ARL1: variants seen among roughly 807,000 people sequenced by gnomAD.
The protein encoded by ARL1 is ARF like GTPase 1.
ARL1 carries 17 observed loss-of-function variants against 30.1 expected under a neutral mutation model. The observed-to-expected ratio is 0.56, with a 90% CI of 0.39 to 0.85. The LOEUF (loss-of-function observed/expected upper bound fraction) is 0.85. Ranked by LOEUF, ARL1 falls within the 40% of genes least tolerant of loss-of-function variation. ARL1 has a pLI of 0.00. For synonymous variants in ARL1, 58 were observed against 71.7 expected, an observed-to-expected ratio of 0.81 and a Z score of 0.97; for missense variants, 102 against 212.6, an observed-to-expected ratio of 0.48 and a Z score of 3.24.
chr12:101,405,768 AAAAG>A (rs1318126691), intron 2 of ARL1, 72 bp downstream of exon 2: 17 of 1,441,072 alleles, frequency 1.2e-5, no homozygotes, highest in Admixed American at 2.8e-5. Context: ...AAACAAACAA[AAAAG>A]AAAGAAAGAA....
intron 3 of ARL1, 72 bp downstream of exon 3, chr12:101,402,793 T>C: frequency 9.6e-7 from 1 of 1,038,668 alleles, no homozygotes; most frequent in Non-Finnish European, 1.4e-6. Flanking sequence ...ATATTCGGGT[T>C]TACTGATTTT....
chr12:101,402,522 TG>T (rs1871333650), intron 3 of ARL1, among the ~76,000 whole-genome samples: 1 of 152,174 alleles, frequency 6.6e-6, no homozygotes, highest in Non-Finnish European at 1.5e-5. Context: ...CTAAATGGTA[TG>T]CCTGCAAGGT....
rs1871069031 is a variant in ARL1 at position 101,393,603 on chromosome 12, T to C, written c.*2037A>G. 6.6e-6 allele frequency: 1 copy of C among 152,230 alleles called. No individual in the cohort carries two copies. The highest frequency in any genetic ancestry group is 1.9e-4 in the East Asian group (1 of 5,202). 9.4% of individuals were successfully genotyped at this position (152,230 alleles called of 1,614,324 possible). On this transcript the variant is annotated 3_prime_UTR_variant, in exon 6 of 6. Coordinates refer to ENST00000261636, the MANE Select transcript of ARL1 (RefSeq NM_001177.6). ...CAAGGACCATATAATTTATAGCTTA[T>C]TTAAGTGTCCACTTTCTTTATCCCA...
intron 4 of ARL1, among the ~76,000 whole-genome samples, chr12:101,397,665 A>G (rs1040756520): frequency 2.0e-5 from 3 of 151,972 alleles, no homozygotes; most frequent in Non-Finnish European, 4.4e-5. Flanking sequence ...ACGCCCAGCT[A>G]ATTTTTGTAT....
chr12:101,395,549 TTTAACATCTA>T lies in ARL1; in HGVS notation c.*81_*90del. 9.5e-7 allele frequency: 1 copy of T among 1,052,080 alleles called. No individual in the cohort carries two copies. The highest frequency in any genetic ancestry group is 1.4e-6 in the Non-Finnish European group (1 of 705,704). The allele number at this position is 1,052,080 out of a possible 1,614,324, so 65.2% of individuals were successfully genotyped here. ...CAGTATATGCCAATAATCATATAGT[TTTAACATCTA>T]GTAGTGTGAAGTACACTTGACTGTT... On this transcript the variant is annotated 3_prime_UTR_variant, in exon 6 of 6. Transcript: ENST00000261636.
Position 101,395,529 on chromosome 12 carries a change from T to C in ARL1, c.*111A>G, listed in dbSNP as rs374031068. ...CTACAAATATTGCAGTCAGTCAGTA[T>C]ATGCCAATAATCATATAGTTTTAAC... is the stretch of plus-strand genomic sequence containing the variant. On this transcript the variant is annotated 3_prime_UTR_variant, in exon 6 of 6. Coordinates refer to ENST00000261636, the MANE Select transcript of ARL1 (RefSeq NM_001177.6). 6 of 856,496 alleles carry C rather than the reference T, an allele frequency of 7.0e-6. No individual in the cohort carries two copies. The highest frequency in any genetic ancestry group is 1.7e-5 in the African/African-American group (1 of 58,676). 53.1% of individuals were successfully genotyped at this position (856,496 alleles called of 1,614,324 possible).
At chr12:101,398,708 GATTAC>G (rs1403377785) in intron 4 of ARL1, among the ~76,000 whole-genome samples, 2 of 152,116 alleles carry the variant, frequency 1.3e-5, no homozygotes, top group African/African-American at 4.8e-5. Flanking sequence ...AAAGTGCTGG[GATTAC>G]AGGCGTGAGC....
chr12:101,396,465 T>G lies in ARL1; in HGVS notation c.449A>C (p.Asp150Ala). The G allele has an allele frequency of 6.2e-7, 1 of 1,614,010 alleles. No homozygotes were observed. ...CGTTTTGAATATCTGCCATTTTCGGTCCTTCAAGGCAGGTAACCCAAGTGA... is the reference window on the plus strand; with the variant it reads ...CGTTTTGAATATCTGCCATTTTCGGGCCTTCAAGGCAGGTAACCCAAGTGA... ...ANSLGLPALK[D>A]RKWQIFKTSA... Residue 150 changes from aspartate (D) to alanine (A), a missense_variant, in exon 5 of 6, where the codon GAC becomes GCC. Transcript: ENST00000261636.
intron 2 of ARL1, 152 bp from the exon 3 acceptor site, chr12:101,403,098 G>C (rs547042013): frequency 2.1e-6 from 1 of 481,814 alleles, no homozygotes; most frequent in Non-Finnish European, 3.7e-6. Flanking sequence ...GAGTTAAAAA[G>C]AAATGGTAAT....
chr12:101,399,932 ATTTTTAT>A (rs945317762), intron 4 of ARL1, among the ~76,000 whole-genome samples: 5 of 151,722 alleles, frequency 3.3e-5, no homozygotes, highest in Non-Finnish European at 5.9e-5. Context: ...TTTTTTTTTA[ATTTTTAT>A]TTTTTGAGAC....
chr12:101,405,002 G>T (rs1871400809), intron 2 of ARL1, among the ~76,000 whole-genome samples: 1 of 152,112 alleles, frequency 6.6e-6, no homozygotes, highest in South Asian at 2.1e-4. Flanking sequence ...CTTCCGAGTA[G>T]TTGGGATTAC....
chr12:101,393,422 A>C lies in ARL1; in HGVS notation c.*2218T>G, dbSNP rs1209623529. 1 of 152,178 alleles carries C rather than the reference A, an allele frequency of 6.6e-6. No homozygotes were observed. Among genetic ancestry groups the C allele is most frequent in the Non-Finnish European group, 1.5e-5 (1 of 68,036 alleles). 9.4% of individuals were successfully genotyped at this position (152,178 alleles called of 1,614,324 possible). ...TCGTCCAGATCCCATTTTACAGAAA[A>C]GAAACTACAGGAGTGGCCATTTGCA... On this transcript the variant is annotated 3_prime_UTR_variant, in exon 6 of 6. Transcript: ENST00000261636.
intron 4 of ARL1, among the ~76,000 whole-genome samples, chr12:101,397,699 C>T (rs1050111496): frequency 3.9e-5 from 6 of 152,000 alleles, no homozygotes; most frequent in Non-Finnish European, 7.4e-5. Flanking sequence ...GAGGTTTCAC[C>T]ATGTTGGTCA....
rs1002565472 is a variant in ARL1 at position 101,396,117 on chromosome 12, C to G, written c.515+282G>C. The G allele has an allele frequency of 3.1e-4, 185 of 597,266 alleles. No individual in the cohort carries two copies. The South Asian group carries it at 3.6e-3, about 12-fold the overall frequency. 37.0% of individuals were successfully genotyped at this position (597,266 alleles called of 1,614,324 possible). A position where few individuals can be genotyped will look rare whatever the true frequency, so the allele number is the denominator to read the frequency against. On this transcript the variant is annotated intron_variant, in intron 5 of 5. Transcript: ENST00000261636. The stretch of plus-strand genomic sequence containing the variant: ...AAGCTCTTCAGAAGAGAGTCTTAAG[C>G]TAATTCCTGAAGGATAAGGAATTGG...
Position 101,393,231 on chromosome 12 carries a change from C to T in ARL1, c.*2409G>A, listed in dbSNP as rs904687220. On this transcript the variant is annotated 3_prime_UTR_variant, in exon 6 of 6. Coordinates refer to ENST00000261636, the MANE Select transcript of ARL1 (RefSeq NM_001177.6). ...ATACTAACAGTAAATAAGATACGGT[C>T]CCTGCCCTCAGAGCTTACATTTCAA... The T allele has an allele frequency of 6.6e-6, 1 of 151,958 alleles. No homozygotes were observed. The highest frequency in any genetic ancestry group is 1.9e-4 in the East Asian group (1 of 5,184). The allele number at this position is 151,958 out of a possible 1,614,324, so 9.4% of individuals were successfully genotyped here. A position where few individuals can be genotyped will look rare whatever the true frequency, so the allele number is the denominator to read the frequency against.
Position 101,401,153 on chromosome 12 carries a change from T to C in ARL1, c.245A>G (p.Tyr82Cys). The change falls in exon 4 of 6, where the codon TAT becomes TGT. Residue 82 changes from tyrosine to cysteine, a missense_variant. Coordinates refer to ENST00000261636, the MANE Select transcript of ARL1 (RefSeq NM_001177.6). ...TSIRPYWRCY[Y>C]SNTDAVIYVV... ...ATAAATGACTGCATCTGTGTTTGAA[T>C]AGTAACATCTCCAGTATGGCCTAGA... The C allele has an allele frequency of 1.2e-6, 2 of 1,613,058 alleles. No homozygotes were observed. Among genetic ancestry groups the C allele is most frequent in the Non-Finnish European group, 1.7e-6 (2 of 1,179,258 alleles).
intron 1 of ARL1, 152 bp downstream of exon 1, chr12:101,407,490 G>A (rs1871478872): frequency 6.1e-6 from 6 of 984,326 alleles, no homozygotes; most frequent in South Asian, 3.2e-5. Context: ...CCCTACAGAT[G>A]AAGATCCAAA....
chr12:101,398,031 T>A (rs2121108158), intron 4 of ARL1, among the ~76,000 whole-genome samples: 1 of 152,244 alleles, frequency 6.6e-6, no homozygotes, highest in East Asian at 1.9e-4. Flanking sequence ...TCTTTTGAAT[T>A]CCTTATATGT....
intron 2 of ARL1, 195 bp from the exon 3 acceptor site, chr12:101,403,141 C>A (rs1871348256): frequency 4.3e-6 from 2 of 463,658 alleles, no homozygotes; most frequent in South Asian, 2.4e-5. Context: ...AGATTTTATA[C>A]CATTTAAGAC....
Sources: allele counts gnomAD v4.1 joint callset (sites outside exome capture counted in the v4.1 genomes callset), GRCh38; gene constraint gnomAD v4.1.1; transcripts MANE v1.5; gene names NCBI Gene and HGNC (gene_info 2026-07-23, HGNC 2026-07-21).